Variants in RORA observed in about 807,000 individuals in gnomAD.
RORA encodes RAR related orphan receptor A, also known as nuclear receptor ROR-alpha.
Under a neutral mutation model 69.5 loss-of-function variants are expected in RORA, and 7 were observed. That is an observed-to-expected ratio of 0.10 (90% CI 0.06 to 0.19). The LOEUF (loss-of-function observed/expected upper bound fraction) is 0.19. Among genes scored for constraint, RORA ranks in the 10% least tolerant of loss-of-function variants. RORA has a pLI of 1.00. For synonymous variants in RORA, 261 were observed against 240.8 expected (o/e 1.08, Z -0.78); for missense variants, 457 against 663.0 (o/e 0.69, Z 3.41).
chr15:61,136,531 A>G (rs1013227248), intron 1 of RORA, among the ~76,000 whole-genome samples: 1 of 152,220 alleles, frequency 6.6e-6, no homozygotes, highest in Non-Finnish European at 1.5e-5. Flanking sequence ...AAGAAATGCA[A>G]TAGACTACAA....
intron 1 of RORA, among the ~76,000 whole-genome samples, chr15:61,149,927 G>T (rs2079383372): frequency 6.6e-6 from 1 of 152,148 alleles, no homozygotes; most frequent in African/African-American, 2.4e-5. Context: ...AAGAATTACT[G>T]GTGTGATGAT....
In RORA at chr15:60,560,431, T is replaced by C. The variant is rs368105700; in HGVS notation, c.197-28580A>G. Among the ~76,000 whole-genome samples, 59 of 152,224 alleles carry C rather than the reference T, an allele frequency of 3.9e-4. 1 individual carries two copies. In the South Asian group the frequency reaches 0.012, roughly 31 times the overall value. ...CTGTACTCAGCCAGCTGCCATGACT[T>C]GTCTGTAATCCCAGCACTTTGGGAA... On this transcript the variant is annotated intron_variant, in intron 2 of 10. Coordinates refer to ENST00000335670, the MANE Select transcript of RORA (RefSeq NM_134261.3).
chr15:61,127,272 AT>A lies in RORA; in HGVS notation c.166+101780del, dbSNP rs2079151483. 2.0e-5 allele frequency among the ~76,000 whole-genome samples: 3 copies of A among 152,190 alleles called. No homozygotes were observed. In the South Asian group the frequency reaches 6.2e-4, roughly 32 times the overall value. ...GTCTCATCATGGAGTAAGTTTAATAATACTATTACCAATTTGCTTTGGAGAA... is the reference window on the plus strand; with the variant it reads ...GTCTCATCATGGAGTAAGTTTAATAAACTATTACCAATTTGCTTTGGAGAA... On this transcript the variant is annotated intron_variant, in intron 1 of 10. Transcript: ENST00000335670.
chr15:60,792,477 C>T (rs2072431759), intron 1 of RORA, among the ~76,000 whole-genome samples: 1 of 152,078 alleles, frequency 6.6e-6, no homozygotes, highest in Admixed American at 6.5e-5. Flanking sequence ...CTAAGCAAGA[C>T]AAATACAAAG....
chr15:61,111,060 T>A (rs2079002423), intron 1 of RORA, among the ~76,000 whole-genome samples: 1 of 151,916 alleles, frequency 6.6e-6, no homozygotes, highest in Non-Finnish European at 1.5e-5. Flanking sequence ...AAGGAGAGAT[T>A]GTTGTGAGTT....
chr15:60,881,076 T>C (rs1373139905), intron 1 of RORA, among the ~76,000 whole-genome samples: 1 of 152,206 alleles, frequency 6.6e-6, no homozygotes, highest in African/African-American at 2.4e-5. Context: ...ATGAAAACAA[T>C]GCTCTGTACT....
At chr15:60,513,090 C>T (rs529884030) in intron 4 of RORA, among the ~76,000 whole-genome samples, 1 of 152,292 alleles carries the variant, frequency 6.6e-6, no homozygotes, top group African/African-American at 2.4e-5. Context: ...CTCACAGTGG[C>T]CAGGTGGTGA....
At chr15:61,138,820 C>A (rs994966092) in intron 1 of RORA, among the ~76,000 whole-genome samples, 1 of 151,622 alleles carries the variant, frequency 6.6e-6, no homozygotes, top group African/African-American at 2.4e-5. Flanking sequence ...AGGGACACTG[C>A]ATAAAATAAA....
At chr15:60,539,022 C>CACACAT (rs1192249825) in intron 2 of RORA, among the ~76,000 whole-genome samples, 1 of 151,948 alleles carries the variant, frequency 6.6e-6, no homozygotes, top group Non-Finnish European at 1.5e-5. Context: ...CACACACACA[C>CACACAT]ACACTCCTCA....
intron 1 of RORA, among the ~76,000 whole-genome samples, chr15:60,915,953 G>A (rs1207662870): frequency 6.6e-6 from 1 of 152,344 alleles, no homozygotes; most frequent in Non-Finnish European, 1.5e-5. Flanking sequence ...GCTCCTACAG[G>A]AAGGCTATTA....
At chr15:61,080,828 C>A (rs1197077297) in intron 1 of RORA, among the ~76,000 whole-genome samples, 1 of 152,136 alleles carries the variant, frequency 6.6e-6, no homozygotes, top group African/African-American at 2.4e-5. Context: ...TCAGGTCGGC[C>A]CAATCATTAG....
rs1451285757 is a variant in RORA at position 60,883,149 on chromosome 15, AAAGAAAGAGAGAGAG to A, written c.167-204478_167-204464del. On this transcript the variant is annotated intron_variant, in intron 1 of 10. Coordinates refer to ENST00000335670, the MANE Select transcript of RORA (RefSeq NM_134261.3). Reference sequence around the variant, plus strand: ...TCGTCTCAAAAAAAAAAAAAAAAAAAAAGAAAGAGAGAGAGAGAGAGAGAGAGAGAGAGAAAGAAA... The same window carrying A: ...TCGTCTCAAAAAAAAAAAAAAAAAAAAGAGAGAGAGAGAGAGAGAAAGAAA... 3.8e-4 allele frequency among the ~76,000 whole-genome samples: 13 copies of A among 34,146 alleles called. No individual in the cohort carries two copies. The East Asian group carries it at 9.8e-3, about 26-fold the overall frequency. 22.4% of individuals were successfully genotyped at this position (34,146 alleles called of 152,430 possible). A position where few individuals can be genotyped will look rare whatever the true frequency, so the allele number is the denominator to read the frequency against.
intron 1 of RORA, among the ~76,000 whole-genome samples, chr15:60,983,100 C>T (rs1781554071): frequency 6.6e-6 from 1 of 152,044 alleles, no homozygotes; most frequent in Non-Finnish European, 1.5e-5. Flanking sequence ...ACTGAATGGC[C>T]CCTCCTCTCA....
chr15:60,734,361 A>G (rs2071471220), intron 1 of RORA, among the ~76,000 whole-genome samples: 1 of 152,116 alleles, frequency 6.6e-6, no homozygotes, highest in Admixed American at 6.5e-5. Flanking sequence ...CAAGCCAACT[A>G]CCACATCTGG....
chr15:61,229,084 C>T lies in RORA; in HGVS notation c.135G>A (p.Val45=), dbSNP rs911354869. The change falls in exon 1 of 11, where the codon GTG becomes GTA. Residue 45 remains valine (V), a synonymous_variant. Coordinates refer to ENST00000335670, the MANE Select transcript of RORA (RefSeq NM_134261.3). ...TGGTGCTGGAATAGCTCTGTCTGCG[C>T]ACCGGGGCAGGCGGCTCGCTCTTGC... The part of the protein sequence containing the change: ...SARKSEPPAP[V]RRQSYSSTSR... 1 of 1,537,750 alleles carries T rather than the reference C, an allele frequency of 6.5e-7. No homozygotes were observed.
intron 1 of RORA, among the ~76,000 whole-genome samples, chr15:60,758,257 C>G (rs1006195576): frequency 6.6e-6 from 1 of 152,150 alleles, no homozygotes; most frequent in African/African-American, 2.4e-5. Context: ...GTGACACGAC[C>G]CACTCAGATA....
At chr15:61,111,898 C>T (rs1363534853) in intron 1 of RORA, among the ~76,000 whole-genome samples, 1 of 152,118 alleles carries the variant, frequency 6.6e-6, no homozygotes, top group African/African-American at 2.4e-5. Context: ...TTCATTCATT[C>T]AATATTTATT....
intron 1 of RORA, among the ~76,000 whole-genome samples, chr15:60,778,382 C>T (rs573767918): frequency 1.6e-4 from 24 of 152,168 alleles, no homozygotes; most frequent in African/African-American, 5.3e-4. Context: ...TCCAAAGAGC[C>T]GTTGCCCCTT....
intron 1 of RORA, among the ~76,000 whole-genome samples, chr15:61,149,589 G>A (rs2079380772): frequency 6.6e-6 from 1 of 152,164 alleles, no homozygotes; most frequent in Admixed American, 6.5e-5. Flanking sequence ...ATTCAGCTAT[G>A]AGGAAGGGAG....
Sources: allele counts gnomAD v4.1 joint callset (sites outside exome capture counted in the v4.1 genomes callset), GRCh38; gene constraint gnomAD v4.1.1; transcripts MANE v1.5; gene names NCBI Gene and HGNC (gene_info 2026-07-23, HGNC 2026-07-21).